Variants in BICRAL observed in about 807,000 individuals in gnomAD.
BICRAL encodes BICRA like chromatin remodeling complex associated protein, also known as BRD4-interacting chromatin-remodeling complex-associated protein-like.
BICRAL carries 8 observed loss-of-function variants against 91.8 expected under a neutral mutation model. The observed-to-expected ratio is 0.09, with a 90% CI of 0.05 to 0.16. The LOEUF (loss-of-function observed/expected upper bound fraction) is 0.16, where lower values mean the gene tolerates loss of function less well. BICRAL is among the 10% of genes least tolerant of loss of function. The probability of loss-of-function intolerance (pLI) is 1.00; values close to 1 mark genes in which losing one functional copy is unlikely to be tolerated. For missense variants in BICRAL, 1,038 were observed against 1,310.9 expected (o/e 0.79, Z 3.21); for synonymous variants, 445 against 491.1 (o/e 0.91, Z 1.24).
intron 1 of BICRAL, among the ~76,000 whole-genome samples, chr6:42,769,140 T>C (rs1762682863): frequency 6.6e-6 from 1 of 152,228 alleles, no homozygotes; most frequent in South Asian, 2.1e-4. Flanking sequence ...TGTTTTTGTC[T>C]CAGGGTCTCT....
At chr6:42,750,775 C>T (rs1762364681) in intron 1 of BICRAL, among the ~76,000 whole-genome samples, 1 of 150,990 alleles carries the variant, frequency 6.6e-6, no homozygotes, top group African/African-American at 2.4e-5. Context: ...TGGGGTTTCA[C>T]CATGTTGGGC....
chr6:42,853,867 C>A (rs887582917), intron 8 of BICRAL, 129 bp downstream of exon 8: 6 of 665,542 alleles, frequency 9.0e-6, no homozygotes, highest in African/African-American at 3.6e-5. Context: ...GTGCCCACAA[C>A]AGGGTGGTCA....
At chr6:42,849,675 G>A (rs951437230) in intron 6 of BICRAL, among the ~76,000 whole-genome samples, 3 of 151,858 alleles carry the variant, frequency 2.0e-5, no homozygotes, top group Non-Finnish European at 4.4e-5. Context: ...TCCTGACCTC[G>A]TGATCCGCCC....
intron 1 of BICRAL, among the ~76,000 whole-genome samples, chr6:42,771,392 A>AT (rs1256059208): frequency 7.2e-6 from 1 of 139,822 alleles, no homozygotes; most frequent in African/African-American, 2.7e-5. Flanking sequence ...TACTTTTCTC[A>AT]TTTGTTTGTG....
rs866760229 is a variant in BICRAL, at chr6:42,756,928, C to G, written c.-261+9905C>G. Among the ~76,000 whole-genome samples, 543 of 107,022 alleles carry G rather than the reference C, an allele frequency of 5.1e-3. 38 individuals are homozygous for G. The highest frequency in any genetic ancestry group is 0.018 in the African/African-American group (516 of 28,698). The allele number at this position is 107,022 out of a possible 152,430, so 70.2% of individuals were successfully genotyped here. On this transcript the variant is annotated intron_variant, in intron 1 of 14. Transcript: ENST00000614467. The stretch of plus-strand genomic sequence containing the variant: ...TCTCTCTCTCTCCCTCTCCCCCCCC[C>G]CCACCCTCCCTCTCTCCCTCTCTCT...
intron 1 of BICRAL, among the ~76,000 whole-genome samples, chr6:42,765,848 A>G (rs1267496584): frequency 6.6e-6 from 1 of 152,124 alleles, no homozygotes; most frequent in Non-Finnish European, 1.5e-5. Context: ...GGCAATATAT[A>G]ATGATTGATT....
At position 42,753,348 on chromosome 6, in the gene BICRAL, G is replaced by C. The variant is rs530940658; in HGVS notation, c.-261+6325G>C. 3.2e-4 allele frequency among the ~76,000 whole-genome samples: 49 copies of C among 152,176 alleles called. No homozygotes were observed. The South Asian group carries it at 0.01, about 32-fold the overall frequency. ...CAAAGTGCTGGGATTACAGGCATGA[G>C]CTACTACACTTGGCCAATCATTGCT... is the stretch of plus-strand genomic sequence containing the variant. On this transcript the variant is annotated intron_variant, in intron 1 of 14. Transcript: ENST00000614467.
chr6:42,783,578 C>T (rs929359144), intron 1 of BICRAL, among the ~76,000 whole-genome samples: 1 of 152,124 alleles, frequency 6.6e-6, no homozygotes, highest in African/African-American at 2.4e-5. Context: ...CCGCGAGGCC[C>T]GGGGCTAGCG....
At chr6:42,772,632 T>C (rs1762754032) in intron 1 of BICRAL, among the ~76,000 whole-genome samples, 2 of 152,188 alleles carry the variant, frequency 1.3e-5, no homozygotes, top group Non-Finnish European at 2.9e-5. Context: ...GATTTGGGTT[T>C]GGGAATCTGT....
chr6:42,852,871 G>T (rs576187234), intron 7 of BICRAL, among the ~76,000 whole-genome samples: 1 of 151,910 alleles, frequency 6.6e-6, no homozygotes, highest in African/African-American at 2.4e-5. Flanking sequence ...GCCGAGGCGG[G>T]CAGATCATGA....
intron 1 of BICRAL, among the ~76,000 whole-genome samples, chr6:42,772,513 A>G (rs1762752393): frequency 6.6e-6 from 1 of 152,162 alleles, no homozygotes; most frequent in African/African-American, 2.4e-5. Flanking sequence ...CTAGGAGAGG[A>G]CTGGCTCGAG....
At chr6:42,857,026 A>G (rs1400490927) in intron 9 of BICRAL, 65 bp from the exon 10 acceptor site, 1 of 1,353,408 alleles carries the variant, frequency 7.4e-7, no homozygotes, top group Non-Finnish European at 1.0e-6. Flanking sequence ...GCATGCAAAT[A>G]AATATGACTA....
rs916687118 is a variant in BICRAL at position 42,799,966 on chromosome 6, C to T, written c.-101-10340C>T. On this transcript the variant is annotated intron_variant, in intron 1 of 12. Transcript: ENST00000314073. ...CCCAATCTTGGCCGACTGCAACCTC[C>T]GCCCCCAGGTTCGAGCAATTCTCCT... 5.3e-5 allele frequency among the ~76,000 whole-genome samples: 8 copies of T among 152,066 alleles called. No individual in the cohort carries two copies. The East Asian group carries it at 5.8e-4, about 11-fold the overall frequency.
intron 1 of BICRAL, among the ~76,000 whole-genome samples, chr6:42,771,176 G>A (rs1210061359): frequency 6.6e-6 from 1 of 152,218 alleles, no homozygotes; most frequent in Non-Finnish European, 1.5e-5. Context: ...AAATGACGAT[G>A]CTGCAAATGA....
At chr6:42,778,055 G>A (rs988023142), upstream of BICRAL, among the ~76,000 whole-genome samples, 10 of 152,094 alleles carry the variant, frequency 6.6e-5, no homozygotes, top group African/African-American at 1.7e-4. Context: ...TGGGGAAAAA[G>A]TTGTTTTTGT....
intron 1 of BICRAL, among the ~76,000 whole-genome samples, chr6:42,759,541 T>A (rs535311189): frequency 6.6e-6 from 1 of 152,184 alleles, no homozygotes; most frequent in Non-Finnish European, 1.5e-5. Context: ...AGTGATTAAC[T>A]GGAAGCAAGA....
At chr6:42,805,480 G>A (rs1241321849) in intron 1 of BICRAL, among the ~76,000 whole-genome samples, 2 of 152,136 alleles carry the variant, frequency 1.3e-5, no homozygotes, top group Non-Finnish European at 2.9e-5. Context: ...GGTTTTCAAG[G>A]AAAAGTGAAT....
At chr6:42,772,611 C>A (rs1293272304) in intron 1 of BICRAL, among the ~76,000 whole-genome samples, 17 of 152,158 alleles carry the variant, frequency 1.1e-4, no homozygotes, top group Admixed American at 1.1e-3. Context: ...AATTCCCATT[C>A]TCTGGTTATG....
At chr6:42,752,228 C>T (rs191018701) in intron 1 of BICRAL, among the ~76,000 whole-genome samples, 9 of 152,286 alleles carry the variant, frequency 5.9e-5, no homozygotes, top group East Asian at 3.9e-4. Context: ...TCTGCCTCAA[C>T]GCCCTTGACC....
Sources: allele counts gnomAD v4.1 joint callset (sites outside exome capture counted in the v4.1 genomes callset), GRCh38; gene constraint gnomAD v4.1.1; transcripts MANE v1.5; gene names NCBI Gene and HGNC (gene_info 2026-07-23, HGNC 2026-07-21).